The following SLC12A7 variants were observed in gnomAD, a reference collection of about 807,000 sequenced individuals.
SLC12A7 encodes K-Cl cotransporter 4.
In SLC12A7, 100 loss-of-function variants were observed where a neutral mutation model predicts 120.6. The observed-to-expected ratio is 0.83, with a 90% CI of 0.71 to 0.98. SLC12A7 has a LOEUF of 0.98. SLC12A7 is among the 50% of genes least tolerant of loss of function. SLC12A7 has a pLI of 0.00. For synonymous variants in SLC12A7, 760 were observed against 678.0 expected (o/e 1.12, Z -1.88); for missense variants, 1,373 against 1,548.1 (o/e 0.89, Z 1.90).
At chr5:1,074,496 CCACT>C in intron 16 of SLC12A7, 67 bp downstream of exon 16, 1 of 1,400,818 alleles carries the variant, frequency 7.1e-7, no homozygotes, top group Non-Finnish European at 9.9e-7. Flanking sequence ...TCAAAGGTCC[CCACT>C]CAAAGGCCGA....
rs753827157 is a variant in SLC12A7 at position 1,085,206 on chromosome 5, C to G, written c.917+26G>C. 3 of 1,609,102 alleles carry G rather than the reference C, an allele frequency of 1.9e-6. No homozygotes were observed. In the African/African-American group the frequency reaches 4.0e-5, roughly 21 times the overall value. ...ACCTGGCCCCAGCCCCACACCCACC[C>G]ACGGCTCAGAGGCCCCGAGACTCAC... On this transcript the variant is annotated intron_variant, in intron 7 of 23. Coordinates refer to ENST00000264930, the MANE Select transcript of SLC12A7 (RefSeq NM_006598.3).
At chr5:1,060,654 C>A (rs574444830) in intron 20 of SLC12A7, among the ~76,000 whole-genome samples, 32 of 152,322 alleles carry the variant, frequency 2.1e-4, no homozygotes, top group African/African-American at 6.7e-4. Context: ...TCACGCCGCA[C>A]ACACGCTCTG....
intron 1 of SLC12A7, among the ~76,000 whole-genome samples, chr5:1,096,912 G>GGGAA (rs1741318031): frequency 1.3e-5 from 2 of 148,996 alleles, no homozygotes; most frequent in African/African-American, 2.5e-5. Context: ...GAGGAAGGGA[G>GGGAA]GGAAGGAAGG....
intron 1 of SLC12A7, among the ~76,000 whole-genome samples, chr5:1,099,245 T>G (rs1741728109): frequency 6.6e-6 from 1 of 152,152 alleles, no homozygotes. Flanking sequence ...CCACGTGCCC[T>G]GAGGCAGGAG....
At chr5:1,059,477 C>T (rs1456683166) in intron 21 of SLC12A7, among the ~76,000 whole-genome samples, 7 of 152,204 alleles carry the variant, frequency 4.6e-5, no homozygotes, top group Non-Finnish European at 1.0e-4. Context: ...TGCAGACACA[C>T]GTGTGTGATA....
the SLC12A7 span, among the ~76,000 whole-genome samples, chr5:1,143,985 C>CGCTGCGAAA: frequency 7.2e-6 from 1 of 139,184 alleles, no homozygotes; most frequent in Non-Finnish European, 1.6e-5. Flanking sequence ...GGGCACCCTG[C>CGCTGCGAAA]CCTCCTACCC....
chr5:1,138,770 A>C, the SLC12A7 span, among the ~76,000 whole-genome samples: 15 of 152,198 alleles, frequency 9.9e-5, no homozygotes, highest in Non-Finnish European at 1.8e-4. Context: ...CCAAACTTAG[A>C]AGGACTTGGG....
intron 1 of SLC12A7, among the ~76,000 whole-genome samples, chr5:1,097,964 A>G (rs1444065220): frequency 6.6e-6 from 1 of 152,016 alleles, no homozygotes; most frequent in African/African-American, 2.4e-5. Context: ...TGGTTAAAAC[A>G]GCCAGGTCAG....
In SLC12A7 at chr5:1,076,163, G is replaced by A. The variant is rs766204067; in HGVS notation, c.1822C>T (p.Arg608Cys). 3 of 1,611,928 alleles carry A rather than the reference G, an allele frequency of 1.9e-6. No individual in the cohort carries two copies. Among genetic ancestry groups the A allele is most frequent in the Non-Finnish European group, 2.5e-6 (3 of 1,179,450 alleles). ...VQTLLRTPNW[R>C]PRFKFYHWTL... ...CAGTGGTAGAACTTGAAGCGTGGAC[G>A]CCAGTTGGGGGTACGTAGCAGGGTC... Residue 608 changes from arginine (R) to cysteine (C), a missense_variant, in exon 14 of 24, where the codon CGT becomes TGT. Coordinates refer to ENST00000264930, the MANE Select transcript of SLC12A7 (RefSeq NM_006598.3).
At chr5:1,090,902 GCTC>G (rs1189144769) in intron 3 of SLC12A7, among the ~76,000 whole-genome samples, 1 of 152,212 alleles carries the variant, frequency 6.6e-6, no homozygotes, top group Non-Finnish European at 1.5e-5. Flanking sequence ...CCTTGAAAAG[GCTC>G]CTCAATGGGA....
At chr5:1,097,401 A>AAC (rs966807428) in intron 1 of SLC12A7, among the ~76,000 whole-genome samples, 8 of 152,168 alleles carry the variant, frequency 5.3e-5, no homozygotes, top group South Asian at 2.1e-4. Flanking sequence ...CACCCCGAAA[A>AAC]ACACACACAC....
At chr5:1,131,199 G>A in the SLC12A7 span, among the ~76,000 whole-genome samples, 1 of 152,148 alleles carries the variant, frequency 6.6e-6, no homozygotes, top group Non-Finnish European at 1.5e-5. Flanking sequence ...GTGGGGACAC[G>A]CTCGGACTCA....
chr5:1,122,185 G>A, the SLC12A7 span, among the ~76,000 whole-genome samples: 1 of 152,200 alleles, frequency 6.6e-6, no homozygotes, highest in Non-Finnish European at 1.5e-5. Flanking sequence ...AACTTTCCCT[G>A]CCCCCACCGC....
rs534201310 is a variant in SLC12A7 at position 1,074,856 on chromosome 5, G to A, written c.1968-185C>T. ...AAGGGAGCCCGTCCTAGGAGCCACC[G>A]GGTCAGAGGGTGCTGTGGCTGTGGA... On this transcript the variant is annotated intron_variant, in intron 15 of 23. Transcript: ENST00000264930. 1.8e-4 allele frequency: 110 copies of A among 610,956 alleles called. 1 individual carries two copies. The highest frequency in any genetic ancestry group is 1.3e-3 in the Middle Eastern group (3 of 2,286). The allele number at this position is 610,956 out of a possible 1,614,324, so 37.8% of individuals were successfully genotyped here.
the SLC12A7 span, among the ~76,000 whole-genome samples, chr5:1,128,023 G>A: frequency 6.6e-6 from 1 of 152,212 alleles, no homozygotes; most frequent in Non-Finnish European, 1.5e-5. Flanking sequence ...ACAGGCGCGT[G>A]ATCTCTGGTT....
At position 1,073,448 on chromosome 5, in the gene SLC12A7, G is replaced by A. The variant is rs552232566; in HGVS notation, c.2241+185C>T. Among the ~76,000 whole-genome samples the A allele has an allele frequency of 5.9e-5, 9 of 152,356 alleles. No homozygotes were observed. In the South Asian group the frequency reaches 1.4e-3, roughly 25 times the overall value. Reference sequence around the variant, plus strand: ...GCCCTCACACCTCCCAAGCTTCCCGGGGTGCGGCTGGTGCTCCCAGGCCTT... The same window carrying A: ...GCCCTCACACCTCCCAAGCTTCCCGAGGTGCGGCTGGTGCTCCCAGGCCTT... On this transcript the variant is annotated intron_variant, in intron 17 of 23. Transcript: ENST00000264930.
intron 5 of SLC12A7, among the ~76,000 whole-genome samples, chr5:1,087,334 C>T (rs1157649833): frequency 2.0e-5 from 3 of 152,232 alleles, no homozygotes; most frequent in South Asian, 2.1e-4. Flanking sequence ...AAAAGTCCCG[C>T]GTACATCAGT....
At chr5:1,149,596 A>T in the SLC12A7 span, among the ~76,000 whole-genome samples, 8 of 152,158 alleles carry the variant, frequency 5.3e-5, no homozygotes, top group South Asian at 2.1e-4. Flanking sequence ...TAAATTAAAA[A>T]AAATAAAAAT....
chr5:1,152,204 C>T, the SLC12A7 span, among the ~76,000 whole-genome samples: 1 of 152,292 alleles, frequency 6.6e-6, no homozygotes, highest in Admixed American at 6.5e-5. Context: ...GCTGTGCGAT[C>T]GTCTGGTGTT....
Sources: gnomAD v4.1 joint callset for allele counts (sites outside exome capture counted in the v4.1 genomes callset) on GRCh38, gnomAD v4.1.1 for gene constraint, MANE v1.5 for transcripts, NCBI Gene and HGNC (gene_info 2026-07-23, HGNC 2026-07-21) for gene names.